DNAH8: variants seen among roughly 807,000 people sequenced by gnomAD.
DNAH8 encodes axonemal beta dynein heavy chain 8.
DNAH8 carries 382 observed loss-of-function variants against 562.1 expected under a neutral mutation model. The observed-to-expected ratio is 0.68, with a 90% confidence interval of 0.63 to 0.74. DNAH8 has a LOEUF of 0.74. Among genes scored for constraint, DNAH8 ranks in the 30% least tolerant of loss-of-function variants. DNAH8 has a pLI of 0.00. For synonymous variants in DNAH8, 1,881 were observed against 1,919.4 expected, an observed-to-expected ratio of 0.98 and a Z score of 0.52; for missense variants, 5,203 against 5,620.4, an observed-to-expected ratio of 0.93 and a Z score of 2.37.
chr6:38,863,913 T>A lies in DNAH8; in HGVS notation c.6351T>A (p.Phe2117Leu). The change falls in exon 45 of 93, where the codon TTT (phenylalanine) becomes TTA (leucine). Residue 2117 changes from phenylalanine (F) to leucine (L), a missense_variant. Around this residue, in one of 6 missense-constraint regions of DNAH8, gnomAD observed 2,176 missense variants for 2,365.1 expected, o/e 0.92. Coordinates refer to ENST00000327475, the MANE Select transcript of DNAH8 (RefSeq NM_001206927.2). The part of the protein sequence containing the change: ...QSGSWGCFDE[F>L]NRIELPVLSV... ...GTTCCTGGGGCTGTTTTGATGAGTTTAACAGAATTGAATTGCCTGTATTAT... is the reference window on the plus strand; with the variant it reads ...GTTCCTGGGGCTGTTTTGATGAGTTAAACAGAATTGAATTGCCTGTATTAT... 1 of 1,609,872 alleles carries A rather than the reference T, an allele frequency of 6.2e-7. No individual in the cohort carries two copies. The highest frequency in any genetic ancestry group is 1.1e-5 in the South Asian group (1 of 89,326).
rs112096791 is a variant in DNAH8 at position 38,926,259 on chromosome 6, C to T, written c.11118+49C>T. 6,096 of 1,583,234 alleles carry T rather than the reference C, an allele frequency of 3.9e-3. 90 individuals are homozygous for T. Among genetic ancestry groups the T allele is most frequent in the African/African-American group, 0.038 (2,827 of 73,898 alleles). ...AAAGTAATCTTGAAATCATGAAACT[C>T]TTTCAAAATTTTGATTGAATCTGCA... On this transcript the variant is annotated intron_variant, in intron 74 of 92. Coordinates refer to ENST00000327475, the MANE Select transcript of DNAH8 (RefSeq NM_001206927.2).
intron 88 of DNAH8, among the ~76,000 whole-genome samples, chr6:38,995,554 T>A (rs531399307): frequency 1.9e-4 from 29 of 152,364 alleles, no homozygotes; most frequent in African/African-American, 6.3e-4. Flanking sequence ...TATTTCTCTG[T>A]CACCACTGCA....
chr6:39,019,254 A>C (rs1227366431), intron 91 of DNAH8, among the ~76,000 whole-genome samples: 1 of 152,184 alleles, frequency 6.6e-6, no homozygotes, highest in Non-Finnish European at 1.5e-5. Flanking sequence ...GGCACCTCGC[A>C]CACTGTAACA....
intron 88 of DNAH8, among the ~76,000 whole-genome samples, chr6:39,003,557 C>T (rs901721344): frequency 1.3e-5 from 2 of 152,084 alleles, no homozygotes; most frequent in Non-Finnish European, 2.9e-5. Context: ...TGCAAAAATA[C>T]CCTTCTAGTT....
chr6:38,883,495 A>T (rs774189422), intron 55 of DNAH8, 39 bp downstream of exon 55: 2 of 1,558,612 alleles, frequency 1.3e-6, no homozygotes, highest in Non-Finnish European at 1.7e-6. Flanking sequence ...TAAACATAAT[A>T]CATTTTAAAT....
chr6:38,865,496 A>G (rs865920582), intron 45 of DNAH8, among the ~76,000 whole-genome samples: 3 of 152,206 alleles, frequency 2.0e-5, no homozygotes, highest in East Asian at 1.9e-4. Context: ...GTAGTTTAAC[A>G]TGTAAGGATT....
At chr6:38,792,514 A>G (rs1434146952) in intron 21 of DNAH8, among the ~76,000 whole-genome samples, 7 of 152,124 alleles carry the variant, frequency 4.6e-5, no homozygotes, top group African/African-American at 1.7e-4. Flanking sequence ...CGCTGCTTCC[A>G]TGTTTACCCT....
At chr6:38,892,914 C>T (rs997035485) in intron 58 of DNAH8, among the ~76,000 whole-genome samples, 2 of 152,158 alleles carry the variant, frequency 1.3e-5, no homozygotes, top group Non-Finnish European at 2.9e-5. Flanking sequence ...ATCACTCTTA[C>T]CTTCAGAGCG....
chr6:38,833,482 A>T (rs1453731148), intron 31 of DNAH8, among the ~76,000 whole-genome samples: 1 of 152,184 alleles, frequency 6.6e-6, no homozygotes, highest in Non-Finnish European at 1.5e-5. Flanking sequence ...AGACACAGCC[A>T]GTCAGGCTTC....
intron 62 of DNAH8, among the ~76,000 whole-genome samples, chr6:38,902,583 C>G (rs1780148960): frequency 6.6e-6 from 1 of 152,192 alleles, no homozygotes. Context: ...CCATGTCACC[C>G]TACCTAGCAT....
intron 5 of DNAH8, among the ~76,000 whole-genome samples, chr6:38,734,946 T>C (rs1221360937): frequency 2.6e-5 from 4 of 152,328 alleles, no homozygotes; most frequent in African/African-American, 9.6e-5. Flanking sequence ...TCTTTTATAG[T>C]TTTAAAAGAA....
chr6:38,956,970 C>T (rs1461500506), intron 82 of DNAH8, among the ~76,000 whole-genome samples: 1 of 152,164 alleles, frequency 6.6e-6, no homozygotes, highest in Non-Finnish European at 1.5e-5. Context: ...GGATTAAAAT[C>T]TACGATTAAG....
intron 18 of DNAH8, among the ~76,000 whole-genome samples, chr6:38,789,062 G>C (rs978219810): frequency 1.3e-5 from 2 of 152,126 alleles, no homozygotes; most frequent in African/African-American, 4.8e-5. Context: ...GTTATAAATC[G>C]AAGCTAATAT....
At position 38,906,416 on chromosome 6, in the gene DNAH8, C is replaced by T. The variant is rs1405864593; in HGVS notation, c.9348+9C>T. 1 of 1,542,468 alleles carries T rather than the reference C, an allele frequency of 6.5e-7. No homozygotes were observed. Among genetic ancestry groups the T allele is most frequent in the South Asian group, 1.3e-5 (1 of 77,586 alleles). ...TGCTATCTTCAGGGGAGGTAAGTCT[C>T]AAAAGTAGAGAAAAAGCCCATATTG... On this transcript the variant is annotated intron_variant, in intron 63 of 92. Transcript: ENST00000327475.
intron 88 of DNAH8, among the ~76,000 whole-genome samples, chr6:38,995,461 A>G (rs978990540): frequency 6.6e-6 from 1 of 152,198 alleles, no homozygotes; most frequent in Non-Finnish European, 1.5e-5. Flanking sequence ...GGAACAATTT[A>G]TGTAGTATTG....
At chr6:39,004,501 A>G (rs1765680085) in intron 88 of DNAH8, among the ~76,000 whole-genome samples, 1 of 152,136 alleles carries the variant, frequency 6.6e-6, no homozygotes, top group Admixed American at 6.5e-5. Flanking sequence ...AAACTCTTCT[A>G]TTTTTGTATG....
rs148530063 is a variant in DNAH8, at chr6:38,798,494, G to A, written c.2902-4685G>A. ...AGGACAGGATGCTTTACTTTGTGTG[G>A]CCTCAACTGTTCATGACGTGTTATA... On this transcript the variant is annotated intron_variant, in intron 21 of 92. Coordinates refer to ENST00000327475, the MANE Select transcript of DNAH8 (RefSeq NM_001206927.2). Among the ~76,000 whole-genome samples the A allele has an allele frequency of 4.8e-3, 734 of 152,272 alleles. 10 individuals carry two copies. The highest frequency in any genetic ancestry group is 0.017 in the African/African-American group (710 of 41,552).
chr6:38,886,838 C>G lies in DNAH8; in HGVS notation c.8307C>G (p.Tyr2769Ter), dbSNP rs745392896. Residue 2769 changes from tyrosine to a stop codon, truncating the protein, a stop_gained, in exon 57 of 93, where the codon TAC becomes TAG. Coordinates refer to ENST00000327475, the MANE Select transcript of DNAH8 (RefSeq NM_001206927.2). LOFTEE classifies it high-confidence loss of function. ...AGATGATGGAAATGGAAGGAATGTA[C>G]AGCTTGGACAAGCCTGGAGACTTCA... is the stretch of plus-strand genomic sequence containing the variant. ...VRQMMEMEGM[Y>*]SLDKPGDFTT... The G allele has an allele frequency of 6.2e-7, 1 of 1,614,046 alleles. No individual in the cohort carries two copies. Among genetic ancestry groups the G allele is most frequent in the Non-Finnish European group, 8.5e-7 (1 of 1,179,948 alleles).
At chr6:38,925,296 T>C (rs1466748063) in intron 73 of DNAH8, among the ~76,000 whole-genome samples, 2 of 9,460 alleles carry the variant, frequency 2.1e-4, no homozygotes, top group African/African-American at 7.9e-4. Flanking sequence ...ATTATTTTAT[T>C]TTATTTTATT....
Sources: allele counts gnomAD v4.1 joint callset (sites outside exome capture counted in the v4.1 genomes callset), GRCh38; gene constraint gnomAD v4.1.1; regional missense constraint gnomAD v4.1.1; transcripts MANE v1.5; gene names NCBI Gene and HGNC (gene_info 2026-07-23, HGNC 2026-07-21).